COL5A2: variants seen among roughly 807,000 people sequenced by gnomAD.
COL5A2 encodes collagen type V alpha 2 chain.
COL5A2 carries 23 observed loss-of-function variants against 208.2 expected under a neutral mutation model. The ratio of observed to expected loss-of-function variants is 0.11; its 90% confidence interval spans 0.08 to 0.16. The LOEUF is 0.16. COL5A2 is among the 10% of genes least tolerant of loss of function. The probability of loss-of-function intolerance (pLI) is 1.00; values close to 1 mark genes in which losing one functional copy is unlikely to be tolerated. For missense variants in COL5A2, 1,590 were observed against 1,956.4 expected (o/e 0.81, Z 3.53); for synonymous variants, 625 against 628.5 (o/e 0.99, Z 0.08).
At chr2:189,394,824 A>C in the COL5A2 span, among the ~76,000 whole-genome samples, 1 of 152,232 alleles carries the variant, frequency 6.6e-6, no homozygotes, top group Admixed American at 6.5e-5. Context: ...ATTCTATCTA[A>C]TTGAAATGTG....
At chr2:189,213,742 T>C (rs1177793748) in intron 1 of COL5A2, among the ~76,000 whole-genome samples, 1 of 152,124 alleles carries the variant, frequency 6.6e-6, no homozygotes, top group African/African-American at 2.4e-5. Flanking sequence ...AAATACATAG[T>C]TGGTGATGAA....
At chr2:189,295,758 G>A in the COL5A2 span, among the ~76,000 whole-genome samples, 1,880 of 152,248 alleles carry the variant, frequency 0.012, 22 homozygotes, top group Non-Finnish European at 0.021. Flanking sequence ...TATAAACTTG[G>A]GTGAGTTAAA....
chr2:189,344,777 T>TG, the COL5A2 span, among the ~76,000 whole-genome samples: 16 of 152,244 alleles, frequency 1.1e-4, no homozygotes, highest in South Asian at 2.7e-3. Context: ...GGAATGTAGT[T>TG]GGGGCTGGCA....
At chr2:189,260,900 C>G in the COL5A2 span, among the ~76,000 whole-genome samples, 1 of 152,184 alleles carries the variant, frequency 6.6e-6, no homozygotes, top group Non-Finnish European at 1.5e-5. Context: ...AAAAATAGAA[C>G]AGATATTTGT....
rs1686380720 is a variant in COL5A2 at position 189,075,303 on chromosome 2, G to A, written c.1104+90C>T. On this transcript the variant is annotated intron_variant, in intron 17 of 53. Coordinates refer to ENST00000374866, the MANE Select transcript of COL5A2 (RefSeq NM_000393.5). ...ACTTTTTATTCCAAGTGTCTGGCAT[G>A]TGGTGAGTGCTCTGTAAATGTTTTT... 9 of 898,330 alleles carry A rather than the reference G, an allele frequency of 1.0e-5. No homozygotes were observed. The East Asian group carries it at 2.1e-4, about 20-fold the overall frequency. The allele number at this position is 898,330 out of a possible 1,614,324, so 55.6% of individuals were successfully genotyped here. A position where few individuals can be genotyped will look rare whatever the true frequency, so the allele number is the denominator to read the frequency against.
At chr2:189,203,217 G>A (rs1689100032) in intron 1 of COL5A2, among the ~76,000 whole-genome samples, 1 of 152,236 alleles carries the variant, frequency 6.6e-6, no homozygotes, top group African/African-American at 2.4e-5. Flanking sequence ...TCTAAAAGTG[G>A]CATTGCTTTC....
the COL5A2 span, among the ~76,000 whole-genome samples, chr2:189,348,984 G>A: frequency 3.9e-5 from 6 of 152,182 alleles, no homozygotes; most frequent in Non-Finnish European, 8.8e-5. Flanking sequence ...AGAAAACCAA[G>A]CCTCAGAAAA....
chr2:189,330,079 G>A, the COL5A2 span, among the ~76,000 whole-genome samples: 5,538 of 152,136 alleles, frequency 0.036, 119 homozygotes, highest in Admixed American at 0.05. Flanking sequence ...TAGAATTCTG[G>A]TATGCCTTAT....
chr2:189,313,463 G>A, the COL5A2 span, among the ~76,000 whole-genome samples: 8 of 152,058 alleles, frequency 5.3e-5, no homozygotes, highest in African/African-American at 1.9e-4. Context: ...GAAAAGTAAA[G>A]ACCATTACCA....
the COL5A2 span, among the ~76,000 whole-genome samples, chr2:189,338,755 AAT>A: frequency 2.0e-5 from 3 of 149,788 alleles, no homozygotes; most frequent in Non-Finnish European, 3.0e-5. Context: ...TATAAAATAA[AAT>A]ATGTTAACAT....
chr2:189,209,104 C>G (rs990360368), intron 1 of COL5A2, among the ~76,000 whole-genome samples: 3 of 152,196 alleles, frequency 2.0e-5, no homozygotes, highest in Non-Finnish European at 4.4e-5. Flanking sequence ...CCTTCTGCCT[C>G]TGTTCCCTGC....
chr2:189,255,912 T>C, the COL5A2 span, among the ~76,000 whole-genome samples: 1 of 152,164 alleles, frequency 6.6e-6, no homozygotes, highest in Middle Eastern at 3.2e-3. Context: ...AGAAAAGAGA[T>C]GAAGAATCTT....
chr2:189,381,767 T>C, the COL5A2 span, among the ~76,000 whole-genome samples: 1 of 152,114 alleles, frequency 6.6e-6, no homozygotes, highest in Non-Finnish European at 1.5e-5. Flanking sequence ...TTGTATTTCT[T>C]CTATCACTTA....
the COL5A2 span, among the ~76,000 whole-genome samples, chr2:189,336,484 A>G: frequency 1.3e-5 from 2 of 152,224 alleles, no homozygotes; most frequent in Non-Finnish European, 2.9e-5. Context: ...GTTCATCATC[A>G]AGAGAAAGGA....
intron 1 of COL5A2, among the ~76,000 whole-genome samples, chr2:189,122,284 GA>G (rs1219665771): frequency 6.6e-6 from 1 of 152,130 alleles, no homozygotes; most frequent in African/African-American, 2.4e-5. Flanking sequence ...AATTATCTGA[GA>G]AAGGGTGAGT....
intron 1 of COL5A2, among the ~76,000 whole-genome samples, chr2:189,157,771 C>A (rs1412377613): frequency 6.6e-6 from 1 of 151,962 alleles, no homozygotes; most frequent in African/African-American, 2.4e-5. Flanking sequence ...TCTGGTATGT[C>A]TTGGTTTGAA....
intron 1 of COL5A2, among the ~76,000 whole-genome samples, chr2:189,116,477 C>A (rs1234938100): frequency 6.6e-6 from 1 of 152,146 alleles, no homozygotes; most frequent in East Asian, 1.9e-4. Context: ...TTAAACAACT[C>A]CCAAATTTGA....
At chr2:189,314,494 C>T in the COL5A2 span, among the ~76,000 whole-genome samples, 1 of 151,800 alleles carries the variant, frequency 6.6e-6, no homozygotes, top group Non-Finnish European at 1.5e-5. Context: ...TTAGAAAAAC[C>T]TCAAGTTAAC....
At chr2:189,360,149 A>G in the COL5A2 span, among the ~76,000 whole-genome samples, 1 of 151,808 alleles carries the variant, frequency 6.6e-6, no homozygotes, top group African/African-American at 2.4e-5. Context: ...TAGGTTGTTT[A>G]TTCAGCCTTT....
Sources: gnomAD v4.1 joint callset for allele counts (sites outside exome capture counted in the v4.1 genomes callset) on GRCh38, gnomAD v4.1.1 for gene constraint, MANE v1.5 for transcripts, NCBI Gene and HGNC (gene_info 2026-07-23, HGNC 2026-07-21) for gene names.